ATP1A2: variants seen among roughly 807,000 people sequenced by gnomAD.
ATP1A2 encodes the protein ATPase Na+/K+ transporting subunit alpha 2.
In ATP1A2, 56 loss-of-function variants were observed where a neutral mutation model predicts 113.1. That is an observed-to-expected ratio of 0.49 (90% CI 0.40 to 0.62). The LOEUF (loss-of-function observed/expected upper bound fraction) is 0.62. Among genes scored for constraint, ATP1A2 ranks in the 20% least tolerant of loss-of-function variants. The pLI is 0.00. For synonymous variants in ATP1A2, 490 were observed against 526.8 expected (o/e 0.93, Z 0.96); for missense variants, 712 against 1,357.8 (o/e 0.52, Z 7.47).
At position 160,130,092 on chromosome 1, in the gene ATP1A2, G is replaced by C. The variant is rs1409479382; in HGVS notation, c.1462-10G>C. On this transcript the variant is annotated splice_polypyrimidine_tract_variant and intron_variant, in intron 11 of 22. Coordinates refer to ENST00000361216, the MANE Select transcript of ATP1A2 (RefSeq NM_000702.4). ...ATGGCCCTCTCTGTAACTACCTGTT[G>C]TCTCTCCAGCTGTCTATCCACGAGC... 5 of 1,614,046 alleles carry C rather than the reference G, an allele frequency of 3.1e-6. No homozygotes were observed. Among genetic ancestry groups the C allele is most frequent in the Non-Finnish European group, 4.2e-6 (5 of 1,180,046 alleles).
chr1:160,130,428 G>A lies in ATP1A2; in HGVS notation c.1658G>A (p.Cys553Tyr), dbSNP rs1228603717. The change falls in exon 13 of 23, where the codon TGT (cysteine) becomes TAT (tyrosine). Residue 553 changes from cysteine (C) to tyrosine (Y), a missense_variant. Cys to Tyr is a radical substitution (Grantham distance 194). This residue lies in a region of ATP1A2 where 263 missense variants were observed against 380.6 expected (regional missense o/e 0.69). Transcript: ENST00000361216. ...CCCTTCTGCCCCCCTTTAGGATTCT[G>A]TCAACTGAATCTGCCATCTGGAAAG... ...GGLGERVLGF[C>Y]QLNLPSGKFP... is the part of the protein sequence containing the mutation. 6.2e-7 allele frequency: 1 copy of A among 1,614,100 alleles called. No individual in the cohort carries two copies. Among genetic ancestry groups the A allele is most frequent in the East Asian group, 2.2e-5 (1 of 44,894 alleles).
In ATP1A2 at chr1:160,135,697, A is replaced by T. The variant is rs1651916194; in HGVS notation, c.2284+95A>T. 6.2e-7 allele frequency: 1 copy of T among 1,610,208 alleles called. No homozygotes were observed. The highest frequency in any genetic ancestry group is 1.3e-5 in the African/African-American group (1 of 74,784). On this transcript the variant is annotated intron_variant, in intron 16 of 22. Coordinates refer to ENST00000361216, the MANE Select transcript of ATP1A2 (RefSeq NM_000702.4). This position sits in a 1 kb window ranked among gnomAD's most constrained non-coding sequence, Gnocchi z 6.3. ...TACCCCAGTTGAAGAATCATTCCAC[A>T]ACTCTAGGCAGCCCAGCCCACTTTA...
chr1:160,125,355 T>TG (rs1651554394), intron 7 of ATP1A2, 102 bp downstream of exon 7: 11 of 1,122,868 alleles, frequency 9.8e-6, no homozygotes, highest in Admixed American at 1.8e-5. Context: ...GCTCTGCCAT[T>TG]GGTGGGGCAA....
In ATP1A2 at chr1:160,137,043, C is replaced by A. The variant is rs1558009287; in HGVS notation, c.2840+12C>A. 6.2e-7 allele frequency: 1 copy of A among 1,614,024 alleles called. No homozygotes were observed. Among genetic ancestry groups the A allele is most frequent in the East Asian group, 2.2e-5 (1 of 44,878 alleles). On this transcript the variant is annotated intron_variant, in intron 20 of 22. Coordinates refer to ENST00000361216, the MANE Select transcript of ATP1A2 (RefSeq NM_000702.4). Reference sequence around the variant, plus strand: ...CAGCAGGGCATGAAGTGAGTGCCCACCCCCATGGCACCTACCCACCCAGGC... The same window carrying A: ...CAGCAGGGCATGAAGTGAGTGCCCAACCCCATGGCACCTACCCACCCAGGC...
intron 1 of ATP1A2, among the ~76,000 whole-genome samples, chr1:160,119,356 G>A (rs1015018812): frequency 6.7e-6 from 1 of 148,170 alleles, no homozygotes; most frequent in Admixed American, 6.9e-5. Flanking sequence ...ATCATAGTGT[G>A]GGAAAACTAA....
At chr1:160,134,742 C>T in intron 14 of ATP1A2, 122 bp downstream of exon 14, 1 of 1,415,126 alleles carries the variant, frequency 7.1e-7, no homozygotes, top group Non-Finnish European at 9.8e-7. Context: ...TTACCTCTGA[C>T]ACTATTGTGA....
chr1:160,119,842 A>AAGAAAG (rs1558001928), intron 1 of ATP1A2, among the ~76,000 whole-genome samples: 1 of 147,922 alleles, frequency 6.8e-6, no homozygotes, highest in African/African-American at 2.5e-5. Context: ...AAAAAAAAAA[A>AAGAAAG]AAAGAAAGAA....
chr1:160,123,443 C>A (rs1194669555), intron 4 of ATP1A2, 27 bp downstream of exon 4: 1 of 1,613,912 alleles, frequency 6.2e-7, no homozygotes, highest in East Asian at 2.2e-5. Flanking sequence ...GACCCGGGAA[C>A]AGCCCGTGAC....
In ATP1A2 at chr1:160,135,388, G is replaced by T; in HGVS notation, c.2116-46G>T. 6.2e-7 allele frequency: 1 copy of T among 1,614,200 alleles called. No individual in the cohort carries two copies. Among genetic ancestry groups the T allele is most frequent in the Non-Finnish European group, 8.5e-7 (1 of 1,180,036 alleles). Reference sequence around the variant, plus strand: ...CATGGAGTGAGAGGCGAGGAGCCAGGCTTGGGAAGGGGTTTCGTCCTCAAG... The same window carrying T: ...CATGGAGTGAGAGGCGAGGAGCCAGTCTTGGGAAGGGGTTTCGTCCTCAAG... On this transcript the variant is annotated intron_variant, in intron 15 of 22. Transcript: ENST00000361216. This position sits in a 1 kb window ranked among gnomAD's most constrained non-coding sequence, Gnocchi z 6.3.
Position 160,136,542 on chromosome 1 carries a change from G to A in ATP1A2, c.2564-28G>A, listed in dbSNP as rs778343525. On this transcript the variant is annotated intron_variant, in intron 18 of 22. Coordinates refer to ENST00000361216, the MANE Select transcript of ATP1A2 (RefSeq NM_000702.4). ...CCCTTCTGCTTCCTGCTCTGACCCT[G>A]CCCCTGCCTTTGGCCCTCTACCCAC... 1.9e-6 allele frequency: 3 copies of A among 1,614,206 alleles called. No homozygotes were observed. In the Admixed American group the frequency reaches 5.0e-5, roughly 27 times the overall value.
At chr1:160,132,354 C>T (rs1323473534) in intron 13 of ATP1A2, among the ~76,000 whole-genome samples, 2 of 151,958 alleles carry the variant, frequency 1.3e-5, no homozygotes, top group Admixed American at 6.6e-5. Context: ...ATCAGTGTCA[C>T]GGGGGAGGTT....
At position 160,135,175 on chromosome 1, in the gene ATP1A2, T is replaced by C; in HGVS notation, c.1995T>C (p.Ser665=). The stretch of plus-strand genomic sequence containing the variant: ...CCAAGGCATGCGTGGTGCACGGCTC[T>C]GACCTGAAGGACATGACATCGGAGC... ...REAKACVVHG[S]DLKDMTSEQL... is the part of the protein sequence containing the mutation. Residue 665 remains serine, a synonymous_variant, in exon 15 of 23, where the codon TCT becomes TCC. Coordinates refer to ENST00000361216, the MANE Select transcript of ATP1A2 (RefSeq NM_000702.4). The surrounding 1 kb of genome is among the most constrained non-coding windows in gnomAD (Gnocchi z 6.3). 2 of 1,614,206 alleles carry C rather than the reference T, an allele frequency of 1.2e-6. No homozygotes were observed. Among genetic ancestry groups the C allele is most frequent in the Non-Finnish European group, 8.5e-7 (1 of 1,180,038 alleles).
chr1:160,139,569 C>A (rs557016208), intron 20 of ATP1A2, 71 bp from the exon 21 acceptor site: 150 of 1,378,810 alleles, frequency 1.1e-4, no homozygotes, highest in Non-Finnish European at 1.5e-4. Context: ...TCCCTTGCAC[C>A]CCAGGGGTAT....
intron 3 of ATP1A2, among the ~76,000 whole-genome samples, chr1:160,122,296 G>A (rs1651430546): frequency 6.6e-6 from 1 of 151,830 alleles, no homozygotes; most frequent in South Asian, 2.1e-4. Flanking sequence ...TTTATTGTGT[G>A]TCACCTCTCC....
chr1:160,136,537 A>ACCCTGC (rs759165275), intron 18 of ATP1A2, 33 bp from the exon 19 acceptor site: 22 of 1,613,908 alleles, frequency 1.4e-5, no homozygotes, highest in South Asian at 7.7e-5. Context: ...TCCTGCTCTG[A>ACCCTGC]CCCTGCCCCT....
intron 20 of ATP1A2, chr1:160,137,315 C>T (rs1651985898): frequency 4.3e-6 from 2 of 467,312 alleles, no homozygotes; most frequent in Admixed American, 3.4e-5. Context: ...TGCTCCTATC[C>T]TTTGCCCAGC....
intron 13 of ATP1A2, 127 bp from the exon 14 acceptor site, chr1:160,134,357 T>C (rs1216635859): frequency 4.4e-6 from 6 of 1,374,544 alleles, no homozygotes; most frequent in Non-Finnish European, 1.0e-6. Context: ...ACACATGCCC[T>C]TATTTCGGTT....
intron 20 of ATP1A2, among the ~76,000 whole-genome samples, chr1:160,138,738 G>A (rs1652033666): frequency 6.6e-6 from 1 of 152,160 alleles, no homozygotes; most frequent in South Asian, 2.1e-4. Flanking sequence ...CTACTGGAGA[G>A]GCTGAGGCAA....
chr1:160,129,160 C>T, intron 10 of ATP1A2, 71 bp downstream of exon 10: 9 of 1,608,176 alleles, frequency 5.6e-6, no homozygotes, highest in Non-Finnish European at 7.7e-6. Flanking sequence ...CCCCAGCTTT[C>T]CTTCTCACAT....
Sources: gnomAD v4.1 joint callset for allele counts (sites outside exome capture counted in the v4.1 genomes callset) on GRCh38, gnomAD v4.1.1 for gene constraint, gnomAD v4.1.1 regional missense constraint, Gnocchi (gnomAD v3.1) non-coding constraint, MANE v1.5 for transcripts, NCBI Gene and HGNC (gene_info 2026-07-23, HGNC 2026-07-21) for gene names.